The following PTPRD variants were observed in gnomAD, a reference collection of about 807,000 sequenced individuals.
The protein encoded by PTPRD is protein tyrosine phosphatase receptor type D, also known as receptor-type tyrosine-protein phosphatase delta.
Under a neutral mutation model 214.5 loss-of-function variants are expected in PTPRD, and 34 were observed. The ratio of observed to expected loss-of-function variants is 0.16; its 90% CI spans 0.12 to 0.21. The LOEUF is 0.21. Ranked by LOEUF, PTPRD falls within the 10% of genes least tolerant of loss-of-function variation. PTPRD has a pLI of 1.00. For synonymous variants in PTPRD, 1,128 were observed against 845.7 expected (o/e 1.33, Z -5.79); for missense variants, 2,545 against 2,398.7 (o/e 1.06, Z -1.27).
chr9:10,324,319 T>A (rs2096606231), intron 3 of PTPRD, among the ~76,000 whole-genome samples: 1 of 152,040 alleles, frequency 6.6e-6, no homozygotes, highest in Non-Finnish European at 1.5e-5. Flanking sequence ...TAATAATACC[T>A]TATAATATCT....
chr9:8,625,504 AT>A (rs1238410103), intron 14 of PTPRD, among the ~76,000 whole-genome samples: 3 of 151,752 alleles, frequency 2.0e-5, no homozygotes, highest in African/African-American at 4.8e-5. Flanking sequence ...TTATAGCTTC[AT>A]TTTTTTAATA....
At chr9:10,494,378 T>C (rs552723333) in intron 2 of PTPRD, among the ~76,000 whole-genome samples, 1 of 151,914 alleles carries the variant, frequency 6.6e-6, no homozygotes, top group Non-Finnish European at 1.5e-5. Context: ...CTAATTTCTG[T>C]CAACACAATC....
intron 9 of PTPRD, among the ~76,000 whole-genome samples, chr9:9,222,720 G>C (rs917654098): frequency 1.3e-5 from 2 of 151,952 alleles, no homozygotes; most frequent in African/African-American, 4.8e-5. Context: ...TTAGCATTAG[G>C]AGATCACTGA....
At chr9:10,272,349 G>A (rs2094467021) in intron 3 of PTPRD, among the ~76,000 whole-genome samples, 1 of 152,084 alleles carries the variant, frequency 6.6e-6, no homozygotes, top group South Asian at 2.1e-4. Flanking sequence ...ACATTTATGT[G>A]TTGATGGATA....
chr9:8,911,480 C>G (rs1179360062), intron 11 of PTPRD, among the ~76,000 whole-genome samples: 1 of 151,454 alleles, frequency 6.6e-6, no homozygotes, highest in African/African-American at 2.4e-5. Flanking sequence ...AATGACAACA[C>G]TTTTGATACT....
intron 10 of PTPRD, among the ~76,000 whole-genome samples, chr9:9,110,914 G>A (rs2099805093): frequency 6.6e-6 from 1 of 152,160 alleles, no homozygotes; most frequent in African/African-American, 2.4e-5. Context: ...CACTGCAACA[G>A]AGTAGTTGTG....
At chr9:8,711,798 T>C (rs2098338794) in intron 12 of PTPRD, among the ~76,000 whole-genome samples, 1 of 152,230 alleles carries the variant, frequency 6.6e-6, no homozygotes, top group African/African-American at 2.4e-5. Flanking sequence ...TTATTGTAGC[T>C]TCATTCATAA....
chr9:8,633,562 C>G (rs1396413841), intron 13 of PTPRD, 104 bp from the exon 14 acceptor site: 2 of 1,317,142 alleles, frequency 1.5e-6, no homozygotes, highest in South Asian at 2.8e-5. Flanking sequence ...TCATAATAAA[C>G]TAGGCATCAT....
intron 8 of PTPRD, among the ~76,000 whole-genome samples, chr9:9,428,654 T>C (rs1302310653): frequency 6.6e-6 from 1 of 152,176 alleles, no homozygotes; most frequent in Non-Finnish European, 1.5e-5. Context: ...TAGTTGGAAG[T>C]AAAGCACTCC....
At chr9:9,352,709 A>G (rs1056829478) in intron 9 of PTPRD, among the ~76,000 whole-genome samples, 2 of 152,090 alleles carry the variant, frequency 1.3e-5, no homozygotes, top group Non-Finnish European at 1.5e-5. Context: ...ACTATGAATT[A>G]TGTCTACATA....
intron 2 of PTPRD, among the ~76,000 whole-genome samples, chr9:10,608,507 G>A (rs2080083383): frequency 6.6e-6 from 1 of 152,034 alleles, no homozygotes; most frequent in Non-Finnish European, 1.5e-5. Context: ...AAACAAGATG[G>A]CTGCCCCTAA....
At chr9:8,811,788 A>T (rs1195989612) in intron 11 of PTPRD, among the ~76,000 whole-genome samples, 1 of 152,206 alleles carries the variant, frequency 6.6e-6, no homozygotes, top group Non-Finnish European at 1.5e-5. Flanking sequence ...TGTTACTGAA[A>T]CTGGATTTTT....
intron 10 of PTPRD, among the ~76,000 whole-genome samples, chr9:9,050,321 A>G (rs1296556708): frequency 6.6e-6 from 1 of 152,208 alleles, no homozygotes; most frequent in African/African-American, 2.4e-5. Flanking sequence ...GAAGGCAGTA[A>G]AGTTCAGAAA....
At chr9:10,585,009 C>G (rs758641353) in intron 2 of PTPRD, among the ~76,000 whole-genome samples, 3 of 152,098 alleles carry the variant, frequency 2.0e-5, no homozygotes, top group Non-Finnish European at 2.9e-5. Context: ...CTGATGATGA[C>G]ATAAAGTGCC....
At chr9:8,670,540 T>C (rs1306435384) in intron 12 of PTPRD, among the ~76,000 whole-genome samples, 1 of 152,248 alleles carries the variant, frequency 6.6e-6, no homozygotes, top group Non-Finnish European at 1.5e-5. Context: ...GTTAATCTGC[T>C]TCACAACAGT....
intron 3 of PTPRD, among the ~76,000 whole-genome samples, chr9:10,189,032 G>C (rs2099350785): frequency 6.6e-6 from 1 of 151,360 alleles, no homozygotes; most frequent in Non-Finnish European, 1.5e-5. Flanking sequence ...TTTCTGTCCT[G>C]ACTGAGAAAT....
intron 6 of PTPRD, among the ~76,000 whole-genome samples, chr9:9,741,493 A>G (rs2098401566): frequency 6.6e-6 from 1 of 152,016 alleles, no homozygotes; most frequent in Non-Finnish European, 1.5e-5. Context: ...TCTGGGATAC[A>G]TGTGCAGAAC....
chr9:9,655,830 T>A (rs1366928720), intron 7 of PTPRD, among the ~76,000 whole-genome samples: 4 of 151,514 alleles, frequency 2.6e-5, no homozygotes, highest in African/African-American at 9.7e-5. Flanking sequence ...ATGCAAAAAT[T>A]AGCTGGGCGT....
intron 2 of PTPRD, among the ~76,000 whole-genome samples, chr9:10,395,255 C>T (rs11793419): frequency 0.55 from 82,434 of 150,216 alleles, 26,069 homozygotes; most frequent in Non-Finnish European, 0.73. Context: ...TCCCCCATCC[C>T]CCCACCCCAC....
Sources: gnomAD v4.1 joint callset for allele counts (sites outside exome capture counted in the v4.1 genomes callset) on GRCh38, gnomAD v4.1.1 for gene constraint, MANE v1.5 for transcripts, NCBI Gene and HGNC (gene_info 2026-07-23, HGNC 2026-07-21) for gene names.